CDC14A: variants seen among roughly 807,000 people sequenced by gnomAD.
CDC14A encodes the protein dual specificity protein phosphatase CDC14A.
CDC14A carries 53 observed loss-of-function variants against 74.4 expected under a neutral mutation model. The observed-to-expected ratio is 0.71, with a 90% CI of 0.57 to 0.89. CDC14A has a LOEUF of 0.89. Among genes scored for constraint, CDC14A ranks in the 40% least tolerant of loss-of-function variants. The probability of loss-of-function intolerance (pLI) is 0.00; values close to 1 mark genes in which losing one functional copy is unlikely to be tolerated. For missense variants in CDC14A, 646 were observed against 713.7 expected, an observed-to-expected ratio of 0.91 and a Z score of 1.08; for synonymous variants, 247 against 258.4, an observed-to-expected ratio of 0.96 and a Z score of 0.43.
chr1:100,368,716 T>TCC (rs1653997871), intron 2 of CDC14A, among the ~76,000 whole-genome samples: 1 of 152,222 alleles, frequency 6.6e-6, no homozygotes, highest in Non-Finnish European at 1.5e-5. Flanking sequence ...TCCCAATAGT[T>TCC]AGTTTTGCAA....
At chr1:100,403,694 G>A (rs1008594929) in intron 4 of CDC14A, among the ~76,000 whole-genome samples, 1 of 152,120 alleles carries the variant, frequency 6.6e-6, no homozygotes, top group African/African-American at 2.4e-5. Context: ...TTGAATCACT[G>A]TGTTACCCTT....
chr1:100,353,950 C>T (rs945871600), intron 2 of CDC14A, 98 bp downstream of exon 2: 2 of 683,332 alleles, frequency 2.9e-6, no homozygotes, highest in African/African-American at 1.8e-5. Flanking sequence ...TCATTTCCCC[C>T]CCAATGATAC....
intron 3 of CDC14A, among the ~76,000 whole-genome samples, chr1:100,390,284 A>G (rs540431087): frequency 3.9e-5 from 6 of 152,350 alleles, no homozygotes; most frequent in African/African-American, 1.4e-4. Context: ...GTCTTCAAAA[A>G]TACGATTTTT....
chr1:100,491,497 A>C (rs920433328), intron 11 of CDC14A, among the ~76,000 whole-genome samples: 11 of 145,770 alleles, frequency 7.5e-5, no homozygotes, highest in African/African-American at 2.5e-4. Context: ...ATACATAAAA[A>C]TATATCATAA....
chr1:100,498,306 G>A lies in CDC14A; in HGVS notation c.1421+99G>A, dbSNP rs762837929. ...GCAGTTTTGTCAGAGGAGGGGACAA[G>A]GGAGAAGAGGAGAAACCACGGAAGA... On this transcript the variant is annotated intron_variant, in intron 14 of 15. Transcript: ENST00000336454. 2.9e-4 allele frequency: 387 copies of A among 1,357,466 alleles called. 3 individuals carry two copies. The highest frequency in any genetic ancestry group is 5.5e-5 in the Non-Finnish European group (54 of 981,228). 84.1% of individuals were successfully genotyped at this position (1,357,466 alleles called of 1,614,324 possible).
intron 10 of CDC14A, among the ~76,000 whole-genome samples, chr1:100,469,463 T>G (rs1300701776): frequency 6.6e-6 from 1 of 152,204 alleles, no homozygotes; most frequent in African/African-American, 2.4e-5. Context: ...TTTTGGAGCT[T>G]TATTCTTGAT....
intron 7 of CDC14A, among the ~76,000 whole-genome samples, chr1:100,449,119 T>C (rs1173738091): frequency 6.6e-6 from 1 of 152,242 alleles, no homozygotes; most frequent in Non-Finnish European, 1.5e-5. Context: ...ACCTAAAGGG[T>C]GCTCTTTTGG....
chr1:100,420,063 C>CACATATATATATATAT lies in CDC14A; in HGVS notation c.310-4158_310-4157insCATATATATATATATA. On this transcript the variant is annotated intron_variant, in intron 4 of 15. Coordinates refer to ENST00000336454, the MANE Select transcript of CDC14A (RefSeq NM_003672.4). ...ACACACACACACACACACACACACACATATATATATATATATATAGTGTGT... is the reference window on the plus strand; with the variant it reads ...ACACACACACACACACACACACACACACATATATATATATATATATATATATATATATATAGTGTGT... 1.1e-3 allele frequency among the ~76,000 whole-genome samples: 66 copies of CACATATATATATATAT among 61,584 alleles called. 1 individual carries two copies. The highest frequency in any genetic ancestry group is 2.7e-3 in the South Asian group (3 of 1,120). The allele number at this position is 61,584 out of a possible 152,430, so 40.4% of individuals were successfully genotyped here. A position where few individuals can be genotyped will look rare whatever the true frequency, so the allele number is the denominator to read the frequency against.
chr1:100,496,217 A>T (rs1472313438), intron 13 of CDC14A, among the ~76,000 whole-genome samples, 168 bp downstream of exon 13: 2 of 80,798 alleles, frequency 2.5e-5, no homozygotes, highest in Non-Finnish European at 5.1e-5. Flanking sequence ...GCTCACCATG[A>T]AAAGGATTTT....
At chr1:100,361,579 A>G (rs1652117730) in intron 2 of CDC14A, among the ~76,000 whole-genome samples, 1 of 152,246 alleles carries the variant, frequency 6.6e-6, no homozygotes, top group Non-Finnish European at 1.5e-5. Context: ...AGTTGAATGA[A>G]TGAATGAGTG....
At chr1:100,418,466 A>G (rs758107074) in intron 4 of CDC14A, among the ~76,000 whole-genome samples, 1 of 152,170 alleles carries the variant, frequency 6.6e-6, no homozygotes, top group Non-Finnish European at 1.5e-5. Context: ...GGTAGGGTTC[A>G]TTTGAGGAAA....
intron 4 of CDC14A, among the ~76,000 whole-genome samples, chr1:100,419,053 G>T (rs1449952534): frequency 6.6e-6 from 1 of 152,200 alleles, no homozygotes; most frequent in Non-Finnish European, 1.5e-5. Flanking sequence ...GAATGTGGTG[G>T]TGTGTACCTG....
In CDC14A at chr1:100,506,354, A is replaced by G. The variant is rs533690350; in HGVS notation, c.1755+7092A>G. The stretch of plus-strand genomic sequence containing the variant: ...AGCTAAGGGATACTAACTACATATC[A>G]AGAACATGAGCTCAATCTCAGTATT... On this transcript the variant is annotated intron_variant, in intron 15 of 15. Transcript: ENST00000336454. Among the ~76,000 whole-genome samples, 4 of 152,310 alleles carry G rather than the reference A, an allele frequency of 2.6e-5. No homozygotes were observed. In the East Asian group the frequency reaches 7.7e-4, roughly 29 times the overall value.
chr1:100,428,813 C>A (rs969290157), intron 5 of CDC14A, among the ~76,000 whole-genome samples: 3 of 152,094 alleles, frequency 2.0e-5, no homozygotes, highest in Admixed American at 6.6e-5. Context: ...CTTTTAAATT[C>A]ATTTTATACT....
intron 3 of CDC14A, among the ~76,000 whole-genome samples, chr1:100,381,993 T>C (rs1490428414): frequency 6.6e-6 from 1 of 152,174 alleles, no homozygotes; most frequent in East Asian, 1.9e-4. Flanking sequence ...ATTATTATTC[T>C]GGTAATTCAA....
rs747944738 is a variant in CDC14A at position 100,352,804 on chromosome 1, G to A, written c.-151G>A. Reference sequence around the variant, plus strand: ...CGCCCGGCGCGCTGACCCCGAAGCCGCCTCCGCCTTCGGCGCCTGCTGCCT... The same window carrying A: ...CGCCCGGCGCGCTGACCCCGAAGCCACCTCCGCCTTCGGCGCCTGCTGCCT... On this transcript the variant is annotated 5_prime_UTR_variant, in exon 1 of 16. Transcript: ENST00000336454. The A allele has an allele frequency of 7.9e-5, 115 of 1,447,414 alleles. No homozygotes were observed. The highest frequency in any genetic ancestry group is 1.0e-4 in the Non-Finnish European group (113 of 1,106,546). The allele number at this position is 1,447,414 out of a possible 1,614,324, so 89.7% of individuals were successfully genotyped here. A position where few individuals can be genotyped will look rare whatever the true frequency, so the allele number is the denominator to read the frequency against.
At chr1:100,440,122 T>A in intron 6 of CDC14A, 124 bp downstream of exon 6, 1 of 688,904 alleles carries the variant, frequency 1.5e-6, no homozygotes, top group Non-Finnish European at 2.5e-6. Flanking sequence ...AGAAGGCTTT[T>A]CACTTCTTGA....
intron 15 of CDC14A, among the ~76,000 whole-genome samples, chr1:100,512,217 A>G (rs577462207): frequency 6.6e-6 from 1 of 152,238 alleles, no homozygotes; most frequent in East Asian, 1.9e-4. Context: ...TCAGTTATAC[A>G]TGATTCTCTC....
At chr1:100,365,941 TACACACACACAC>T (rs34281009) in intron 2 of CDC14A, among the ~76,000 whole-genome samples, 4 of 142,394 alleles carry the variant, frequency 2.8e-5, no homozygotes, top group Non-Finnish European at 6.2e-5. Flanking sequence ...AACAAAATTT[TACACACACACAC>T]ACACACACAC....
Sources: gnomAD v4.1 joint callset for allele counts (sites outside exome capture counted in the v4.1 genomes callset) on GRCh38, gnomAD v4.1.1 for gene constraint, MANE v1.5 for transcripts, NCBI Gene and HGNC (gene_info 2026-07-23, HGNC 2026-07-21) for gene names.